The following CATSPER4 variants were observed in gnomAD, a reference collection of about 807,000 sequenced individuals.
CATSPER4 encodes the protein cation channel sperm associated 4, also known as cation channel sperm-associated protein 4.
CATSPER4 carries 46 observed loss-of-function variants against 54.4 expected under a neutral mutation model. That is an observed-to-expected ratio of 0.84 (90% CI 0.67 to 1.08). CATSPER4 has a LOEUF of 1.08. Among genes scored for constraint, CATSPER4 ranks in the 50% least tolerant of loss-of-function variants. CATSPER4 has a pLI of 0.00. For missense variants in CATSPER4, 574 were observed against 612.8 expected, an observed-to-expected ratio of 0.94 and a Z score of 0.67; for synonymous variants, 230 against 231.9, an observed-to-expected ratio of 0.99 and a Z score of 0.08.
At position 26,192,569 on chromosome 1, in the gene CATSPER4, G is replaced by A. The variant is rs1386277592; in HGVS notation, c.357+1139G>A. Among the ~76,000 whole-genome samples the A allele has an allele frequency of 2.9e-5, 4 of 136,188 alleles. No homozygotes were observed. In the South Asian group the frequency reaches 6.9e-4, roughly 23 times the overall value. 89.3% of individuals were successfully genotyped at this position (136,188 alleles called of 152,430 possible). A position where few individuals can be genotyped will look rare whatever the true frequency, so the allele number is the denominator to read the frequency against. ...TGTGCCACTGCACTCCAGCCTGGGC[G>A]ACAGAGCGAGACTCTATCTCAAAAA... On this transcript the variant is annotated intron_variant, in intron 2 of 9. Coordinates refer to ENST00000456354, the MANE Select transcript of CATSPER4 (RefSeq NM_198137.2).
Position 26,201,400 on chromosome 1 carries a change from T to C in CATSPER4, c.1246T>C (p.Ser416Pro). 6.2e-7 allele frequency: 1 copy of C among 1,613,680 alleles called. No homozygotes were observed. Among genetic ancestry groups the C allele is most frequent in the African/African-American group, 1.3e-5 (1 of 74,862 alleles). ...RAIRFNQEQE[S>P]EVLNRRSSTS... is the part of the protein sequence containing the mutation. ...AATCCGCTTCAACCAGGAGCAGGAGTCAGAGGTGTTGAACAGGCGCTCGTC... is the reference window on the plus strand; with the variant it reads ...AATCCGCTTCAACCAGGAGCAGGAGCCAGAGGTGTTGAACAGGCGCTCGTC... The change falls in exon 9 of 10, where the codon TCA becomes CCA. Residue 416 changes from serine to proline, a missense_variant. Transcript: ENST00000456354.
intron 3 of CATSPER4, among the ~76,000 whole-genome samples, chr1:26,196,740 T>C (rs891068640): frequency 3.3e-5 from 5 of 152,058 alleles, no homozygotes; most frequent in African/African-American, 1.2e-4. Flanking sequence ...TATACAAATG[T>C]AATTTTGTAC....
intron 2 of CATSPER4, among the ~76,000 whole-genome samples, chr1:26,192,154 G>T (rs1329010621): frequency 2.0e-5 from 3 of 150,164 alleles, no homozygotes; most frequent in Admixed American, 6.6e-5. Context: ...TAGAGACAAG[G>T]TCTCACTCTG....
At chr1:26,196,435 G>T (rs2088940298) in intron 3 of CATSPER4, among the ~76,000 whole-genome samples, 1 of 111,582 alleles carries the variant, frequency 9.0e-6, no homozygotes, top group Admixed American at 1.3e-4. Flanking sequence ...TTTTGAGACA[G>T]GGTCTCACCC....
At chr1:26,196,519 C>G (rs1167019479) in intron 3 of CATSPER4, among the ~76,000 whole-genome samples, 1 of 147,090 alleles carries the variant, frequency 6.8e-6, no homozygotes, top group Non-Finnish European at 1.5e-5. Flanking sequence ...TTCAAGTGAT[C>G]CTCTCAGCCC....
Position 26,191,346 on chromosome 1 carries a change from C to A in CATSPER4, c.273C>A (p.His91Gln). The part of the protein sequence containing the change: ...THMYIKQLLR[H>Q]PAFQLLLALL... ...TGTACATCAAGCAGCTGCTCCGACA[C>A]CCCGCCTTCCAACTGCTGCTGGCCC... Residue 91 changes from histidine to glutamine, a missense_variant, in exon 2 of 10, where the codon CAC (histidine) becomes CAA (glutamine). Transcript: ENST00000456354. 6.2e-7 allele frequency: 1 copy of A among 1,614,178 alleles called. No individual in the cohort carries two copies. Among genetic ancestry groups the A allele is most frequent in the Non-Finnish European group, 8.5e-7 (1 of 1,180,028 alleles).
intron 9 of CATSPER4, among the ~76,000 whole-genome samples, chr1:26,201,764 G>A (rs1382020247): frequency 7.4e-6 from 1 of 134,662 alleles, no homozygotes. Context: ...ATCTCGGCTC[G>A]CTGCCACCTC....
In CATSPER4 at chr1:26,191,305, G is replaced by A; in HGVS notation, c.232G>A (p.Glu78Lys). The A allele has an allele frequency of 6.2e-7, 1 of 1,614,126 alleles. No individual in the cohort carries two copies. Among genetic ancestry groups the A allele is most frequent in the South Asian group, 1.1e-5 (1 of 91,076 alleles). The change falls in exon 2 of 10, where the codon GAG becomes AAG. Residue 78 changes from glutamate (E) to lysine (K), a missense_variant. Physicochemically the swap from Glu to Lys is moderately conservative, Grantham distance 56 (BLOSUM62 1). Transcript: ENST00000456354. ...CTTCCAGGACGCCTGGGACATGCAGGAGTTCATCACTCACATGTACATCAA... is the reference window on the plus strand; with the variant it reads ...CTTCCAGGACGCCTGGGACATGCAGAAGTTCATCACTCACATGTACATCAA... ...TNKADAWDMQ[E>K]FITHMYIKQL... is the part of the protein sequence containing the mutation.
chr1:26,199,983 C>T lies in CATSPER4; in HGVS notation c.912C>T (p.Ile304=), dbSNP rs1569910255. ...TCATTGGCATCAACCTGTTCGTCATCGTGGTGACCACCAACCTGGAGCAAA... is the reference window on the plus strand; with the variant it reads ...TCATTGGCATCAACCTGTTCGTCATTGTGGTGACCACCAACCTGGAGCAAA... The part of the protein sequence containing the change: ...GAFIGINLFV[I]VVTTNLEQMM... The change falls in exon 7 of 10, where the codon ATC becomes ATT. Residue 304 remains isoleucine (I), a synonymous_variant. Transcript: ENST00000456354. 3 of 1,614,018 alleles carry T rather than the reference C, an allele frequency of 1.9e-6. No homozygotes were observed. Among genetic ancestry groups the T allele is most frequent in the South Asian group, 1.1e-5 (1 of 91,052 alleles).
intron 2 of CATSPER4, 82 bp downstream of exon 2, chr1:26,191,512 T>C: frequency 6.7e-7 from 1 of 1,490,742 alleles, no homozygotes. Context: ...AGGCTCCTCA[T>C]CTGTCTATGA....
intron 3 of CATSPER4, among the ~76,000 whole-genome samples, chr1:26,197,247 C>A (rs976616551): frequency 4.6e-5 from 7 of 152,272 alleles, no homozygotes; most frequent in African/African-American, 1.7e-4. Context: ...TATTTCACCT[C>A]AGAACTGGCT....
chr1:26,201,941 G>A (rs560774741), intron 9 of CATSPER4, among the ~76,000 whole-genome samples: 2 of 152,012 alleles, frequency 1.3e-5, no homozygotes, highest in Admixed American at 6.5e-5. Flanking sequence ...CACCCTCCTT[G>A]GCCTCCCAAA....
rs2088904275 is a variant in CATSPER4, at chr1:26,193,908, G to A, written c.459+20G>A. ...TGGAAGGTGAGATCCTGAGCCCTTT[G>A]CCCCTACTTCCCCCTGGGGACTGCA... On this transcript the variant is annotated intron_variant, in intron 3 of 9. Transcript: ENST00000456354. The A allele has an allele frequency of 6.4e-7, 1 of 1,566,564 alleles. No homozygotes were observed. Among genetic ancestry groups the A allele is most frequent in the Non-Finnish European group, 8.8e-7 (1 of 1,136,474 alleles).
At chr1:26,192,355 C>T (rs1418364580) in intron 2 of CATSPER4, among the ~76,000 whole-genome samples, 3 of 151,780 alleles carry the variant, frequency 2.0e-5, no homozygotes, top group Non-Finnish European at 4.4e-5. Context: ...TTTGGCAGGC[C>T]AAAGTGGGTG....
intron 9 of CATSPER4, 91 bp downstream of exon 9, chr1:26,201,610 T>C (rs1196155946): frequency 7.7e-7 from 1 of 1,301,676 alleles, no homozygotes; most frequent in Non-Finnish European, 1.1e-6. Context: ...TGTCAAAGTT[T>C]CTGTCTATTC....
rs949796705 is a variant in CATSPER4 at position 26,202,625 on chromosome 1, G to A, written c.*83G>A. 51 of 1,356,760 alleles carry A rather than the reference G, an allele frequency of 3.8e-5. No homozygotes were observed. The highest frequency in any genetic ancestry group is 4.8e-5 in the Non-Finnish European group (46 of 965,858). 84.0% of individuals were successfully genotyped at this position (1,356,760 alleles called of 1,614,324 possible). ...TGTGTCCTTAGTGTGGCTTGGCAGA[G>A]CCTGGCCAGAGCCCATCCTCTCCCT... On this transcript the variant is annotated 3_prime_UTR_variant, in exon 10 of 10. Coordinates refer to ENST00000456354, the MANE Select transcript of CATSPER4 (RefSeq NM_198137.2).
At chr1:26,195,848 TTAC>T (rs2088932248) in intron 3 of CATSPER4, among the ~76,000 whole-genome samples, 1 of 152,140 alleles carries the variant, frequency 6.6e-6, no homozygotes, top group Admixed American at 6.5e-5. Flanking sequence ...AACTCATTCA[TTAC>T]CTTCAGGATG....
intron 7 of CATSPER4, 79 bp downstream of exon 7, chr1:26,200,137 T>G (rs2088991269): frequency 6.8e-7 from 1 of 1,478,270 alleles, no homozygotes; most frequent in East Asian, 2.5e-5. Flanking sequence ...CATGTATGTG[T>G]GTGCTTGCAT....
intron 8 of CATSPER4, 153 bp downstream of exon 8, chr1:26,201,194 G>T: frequency 1.0e-6 from 1 of 957,710 alleles, no homozygotes. Flanking sequence ...CTGGAATCCA[G>T]ACTCCAGGTT....
Sources: allele counts gnomAD v4.1 joint callset (sites outside exome capture counted in the v4.1 genomes callset), GRCh38; gene constraint gnomAD v4.1.1; transcripts MANE v1.5; gene names NCBI Gene and HGNC (gene_info 2026-07-23, HGNC 2026-07-21).